Variants in SPAG17 observed in about 807,000 individuals in gnomAD.
SPAG17 encodes the protein sperm-associated antigen 17.
Under a neutral mutation model 273.6 loss-of-function variants are expected in SPAG17, and 169 were observed. That is an observed-to-expected ratio of 0.62 (90% CI 0.55 to 0.70). SPAG17 has a LOEUF of 0.70. Among genes scored for constraint, SPAG17 ranks in the 30% least tolerant of loss-of-function variants. The probability of loss-of-function intolerance (pLI) is 0.00; values close to 1 mark genes in which losing one functional copy is unlikely to be tolerated. For synonymous variants in SPAG17, 825 were observed against 873.2 expected, an observed-to-expected ratio of 0.94 and a Z score of 0.97; for missense variants, 2,557 against 2,627.8, an observed-to-expected ratio of 0.97 and a Z score of 0.59.
chr1:118,040,382 G>A (rs1473460083), intron 22 of SPAG17, among the ~76,000 whole-genome samples: 2 of 152,158 alleles, frequency 1.3e-5, no homozygotes, highest in Non-Finnish European at 1.5e-5. Context: ...CTCACAGAAT[G>A]CACTTGGCTT....
chr1:118,122,950 G>T (rs1175157223), intron 3 of SPAG17, among the ~76,000 whole-genome samples: 2 of 152,130 alleles, frequency 1.3e-5, no homozygotes, highest in African/African-American at 4.8e-5. Context: ...GCCATAACCT[G>T]GCTACCCCTT....
intron 3 of SPAG17, among the ~76,000 whole-genome samples, chr1:118,125,230 C>CAT (rs564502550): frequency 0.011 from 1,624 of 141,278 alleles, 13 homozygotes; most frequent in Non-Finnish European, 0.014. Flanking sequence ...TTATTGTATT[C>CAT]ATATATATAT....
chr1:118,141,889 C>T (rs1398653007), intron 3 of SPAG17, among the ~76,000 whole-genome samples: 36 of 152,170 alleles, frequency 2.4e-4, no homozygotes, highest in Admixed American at 2.4e-3. Context: ...ATATTAGTCT[C>T]CATCACGGCC....
chr1:118,092,650 C>G (rs1655452874), intron 8 of SPAG17, among the ~76,000 whole-genome samples: 4 of 152,174 alleles, frequency 2.6e-5, no homozygotes, highest in Admixed American at 6.5e-5. Flanking sequence ...TTCAGTTTTC[C>G]TGACTTCCCT....
At chr1:117,990,291 A>T (rs1656930020) in intron 38 of SPAG17, among the ~76,000 whole-genome samples, 1 of 152,232 alleles carries the variant, frequency 6.6e-6, no homozygotes, top group Admixed American at 6.5e-5. Context: ...CCAGTTTATG[A>T]TCTTTGCCAT....
intron 3 of SPAG17, among the ~76,000 whole-genome samples, chr1:118,129,708 TTTC>T (rs765496642): frequency 4.0e-4 from 61 of 151,760 alleles, no homozygotes; most frequent in African/African-American, 1.0e-3. Flanking sequence ...CCCTTCTTTC[TTTC>T]TTTTCTTTCT....
intron 18 of SPAG17, among the ~76,000 whole-genome samples, chr1:118,057,218 G>C (rs1161567145): frequency 6.6e-6 from 1 of 151,996 alleles, no homozygotes; most frequent in African/African-American, 2.4e-5. Flanking sequence ...AATTTTAAAA[G>C]ACATGTATTT....
chr1:118,005,826 T>C (rs1365548823), intron 31 of SPAG17, among the ~76,000 whole-genome samples: 3 of 152,178 alleles, frequency 2.0e-5, no homozygotes, highest in East Asian at 3.9e-4. Context: ...CCTCATATCT[T>C]ATCTGCTCGC....
chr1:118,005,287 T>C, intron 32 of SPAG17, 127 bp downstream of exon 32: 1 of 701,972 alleles, frequency 1.4e-6, no homozygotes, highest in East Asian at 2.9e-5. Context: ...TTGCCCAAAG[T>C]ATTGGCAGTA....
rs139199807 is a variant in SPAG17, at chr1:117,963,809, G to A, written c.6662C>T (p.Ser2221Phe). The A allele has an allele frequency of 5.1e-5, 83 of 1,612,170 alleles. No homozygotes were observed. In the African/African-American group the frequency reaches 8.5e-4, roughly 17 times the overall value. Residue 2221 changes from serine (S) to phenylalanine (F), a missense_variant, in exon 48 of 49, where the codon TCT (serine) becomes TTT (phenylalanine). Physicochemically the swap from Ser to Phe is radical, Grantham distance 155. Coordinates refer to ENST00000336338, the MANE Select transcript of SPAG17 (RefSeq NM_206996.4). ...TLGVFMSRKVSPH is the reference protein window; with the variant it reads ...TLGVFMSRKVFPH ...TATTACTTACTGTACCTAATGTGGA[G>A]AAACTTTACGAGACATGAAGACTCC...
intron 1 of SPAG17, among the ~76,000 whole-genome samples, chr1:118,151,594 C>T (rs774731708): frequency 5.3e-5 from 8 of 152,186 alleles, no homozygotes; most frequent in Non-Finnish European, 7.3e-5. Flanking sequence ...AGAAACTAGT[C>T]CTTTTATTTT....
intron 5 of SPAG17, among the ~76,000 whole-genome samples, chr1:118,100,611 T>C (rs1343037838): frequency 6.6e-6 from 1 of 152,204 alleles, no homozygotes; most frequent in East Asian, 1.9e-4. Flanking sequence ...AACTAATCAA[T>C]GTTGATATTG....
At chr1:117,974,776 A>G (rs1198862573) in intron 43 of SPAG17, among the ~76,000 whole-genome samples, 1 of 152,176 alleles carries the variant, frequency 6.6e-6, no homozygotes, top group Non-Finnish European at 1.5e-5. Flanking sequence ...AGATCATGGT[A>G]GTTAAAAATC....
rs184159976 is a variant in SPAG17 at position 117,963,400 on chromosome 1, G to A, written c.*399C>T. On this transcript the variant is annotated intron_variant, in intron 48 of 48. Transcript: ENST00000336338. ...TTTTTTTGAGACAGAGTCTCGCTCT[G>A]TCTCCCAGGCTGGAGTGCAGTGGCA... is the stretch of plus-strand genomic sequence containing the variant. 965 of 139,110 alleles carry A rather than the reference G, an allele frequency of 6.9e-3. 23 individuals carry two copies. The highest frequency in any genetic ancestry group is 9.3e-3 in the Non-Finnish European group (612 of 65,628). The allele number at this position is 139,110 out of a possible 1,614,324, so 8.6% of individuals were successfully genotyped here.
intron 1 of SPAG17, among the ~76,000 whole-genome samples, chr1:118,163,801 T>C (rs1319535339): frequency 2.6e-5 from 4 of 152,098 alleles, no homozygotes; most frequent in African/African-American, 9.7e-5. Context: ...GGCCATAATG[T>C]CCTTAATCCC....
intron 5 of SPAG17, among the ~76,000 whole-genome samples, chr1:118,100,736 G>A (rs1163205041): frequency 3.3e-5 from 5 of 152,170 alleles, no homozygotes; most frequent in African/African-American, 9.7e-5. Context: ...ATTTAAATAT[G>A]CAGATAACAA....
chr1:118,150,785 G>A (rs143442899), intron 2 of SPAG17, among the ~76,000 whole-genome samples, 156 bp from the exon 3 acceptor site: 88 of 152,248 alleles, frequency 5.8e-4, no homozygotes, highest in Middle Eastern at 3.4e-3. Flanking sequence ...TAGTTACTTC[G>A]TAAGCTGTCA....
rs762934532 is a variant in SPAG17, at chr1:118,025,400, A to G, written c.3747T>C (p.Asp1249=). The change falls in exon 27 of 49, where the codon GAT becomes GAC. Residue 1249 remains aspartate, a synonymous_variant. Transcript: ENST00000336338. The stretch of plus-strand genomic sequence containing the variant: ...CCATGATGTCCCAGGTGGGTTCCTC[A>G]TCTATAACATATTGACCTAAAAAAA... ...GQESTGQYVI[D]EEPTWDIMVR... 1 of 1,578,764 alleles carries G rather than the reference A, an allele frequency of 6.3e-7. No homozygotes were observed. The highest frequency in any genetic ancestry group is 1.2e-5 in the South Asian group (1 of 85,582).
intron 15 of SPAG17, among the ~76,000 whole-genome samples, chr1:118,079,628 T>C (rs937860077): frequency 6.6e-6 from 1 of 152,106 alleles, no homozygotes; most frequent in African/African-American, 2.4e-5. Flanking sequence ...ATATTTTTTG[T>C]TGTTTTCCTT....
Sources: allele counts gnomAD v4.1 joint callset (sites outside exome capture counted in the v4.1 genomes callset), GRCh38; gene constraint gnomAD v4.1.1; transcripts MANE v1.5; gene names NCBI Gene and HGNC (gene_info 2026-07-23, HGNC 2026-07-21).